CCDC190: variants seen among roughly 807,000 people sequenced by gnomAD.
The protein encoded by CCDC190 is coiled-coil domain-containing protein 190.
In CCDC190, 10 loss-of-function variants were observed where a neutral mutation model predicts 13.1. The observed-to-expected ratio is 0.77, with a 90% CI of 0.47 to 1.30. CCDC190 has a LOEUF of 1.30. Among genes scored for constraint, CCDC190 ranks in the 50% most tolerant of loss-of-function variants. The pLI is 0.00. For synonymous variants in CCDC190, 136 were observed against 127.2 expected (o/e 1.07, Z -0.47); for missense variants, 375 against 354.3 (o/e 1.06, Z -0.47).
upstream of CCDC190, among the ~76,000 whole-genome samples, chr1:162,864,020 A>AAG (rs1650615912): frequency 6.6e-6 from 1 of 151,860 alleles, no homozygotes; most frequent in Non-Finnish European, 1.5e-5. Context: ...ATCTCAAAAA[A>AAG]AAAAATATCA....
Position 162,861,084 on chromosome 1 carries a change from C to T in CCDC190, c.-89G>A. 5.4e-6 allele frequency: 5 copies of T among 918,984 alleles called. No homozygotes were observed. The highest frequency in any genetic ancestry group is 1.0e-4 in the South Asian group (2 of 19,944). 56.9% of individuals were successfully genotyped at this position (918,984 alleles called of 1,614,324 possible). On this transcript the variant is annotated 5_prime_UTR_variant, in exon 1 of 4. Transcript: ENST00000367912. ...GTCAGACTGAGTCTTGATTAATGAG[C>T]TTATTTTTCTTCAGTAAACTTAGGA...
chr1:162,862,217 G>A (rs547082762), upstream of CCDC190, among the ~76,000 whole-genome samples: 266 of 152,266 alleles, frequency 1.7e-3, 1 homozygote, highest in African/African-American at 6.1e-3. Flanking sequence ...TGCCACTATA[G>A]CTGATGATAG....
chr1:162,867,886 T>C (rs1650762202), intron 1 of CCDC190, among the ~76,000 whole-genome samples: 2 of 152,280 alleles, frequency 1.3e-5, no homozygotes, highest in South Asian at 4.1e-4. Flanking sequence ...AATTAATCTA[T>C]GATGACAGAG....
chr1:162,852,274 T>G lies in CCDC190; in HGVS notation c.*2491A>C, dbSNP rs570658437. On this transcript the variant is annotated 3_prime_UTR_variant, in exon 4 of 4. Coordinates refer to ENST00000367912, the MANE Select transcript of CCDC190 (RefSeq NM_001394065.1). ...TCTCTGGACAGTGCTGGATGTTTTCTGGGGACAGGGGGCACATTTGCTCCT... is the reference window on the plus strand; with the variant it reads ...TCTCTGGACAGTGCTGGATGTTTTCGGGGGACAGGGGGCACATTTGCTCCT... The G allele has an allele frequency of 6.6e-6, 1 of 152,276 alleles. No homozygotes were observed. The highest frequency in any genetic ancestry group is 1.5e-5 in the Non-Finnish European group (1 of 68,094). 9.4% of individuals were successfully genotyped at this position (152,276 alleles called of 1,614,324 possible).
upstream of CCDC190, among the ~76,000 whole-genome samples, chr1:162,866,064 A>C (rs921218891): frequency 3.3e-5 from 5 of 152,254 alleles, no homozygotes; most frequent in African/African-American, 9.6e-5. Flanking sequence ...ATATATTAAC[A>C]TAAAAATATT....
intron 2 of CCDC190, among the ~76,000 whole-genome samples, chr1:162,856,158 T>C (rs1650294570): frequency 6.6e-6 from 1 of 152,176 alleles, no homozygotes; most frequent in Non-Finnish European, 1.5e-5. Context: ...GGTTTATAGT[T>C]CTTTGTTATG....
upstream of CCDC190, among the ~76,000 whole-genome samples, chr1:162,864,425 A>T (rs888426203): frequency 1.3e-5 from 2 of 152,332 alleles, no homozygotes; most frequent in Admixed American, 6.5e-5. Context: ...ATCCAAAGCT[A>T]CAAAAAGAAA....
chr1:162,858,198 G>A (rs1650376023), intron 2 of CCDC190, among the ~76,000 whole-genome samples: 1 of 152,204 alleles, frequency 6.6e-6, no homozygotes, highest in East Asian at 1.9e-4. Context: ...CATGGAGGCA[G>A]AAGCACCTGA....
intron 1 of CCDC190, chr1:162,868,604 C>T (rs998370531): frequency 6.6e-6 from 1 of 152,568 alleles, no homozygotes; most frequent in African/African-American, 2.4e-5. Context: ...CTCTCCCAAA[C>T]GCACACCCCC....
chr1:162,868,282 A>G (rs1650776219), intron 1 of CCDC190, among the ~76,000 whole-genome samples: 1 of 152,208 alleles, frequency 6.6e-6, no homozygotes, highest in African/African-American at 2.4e-5. Context: ...TGAAGATTGA[A>G]TGTATAAAAC....
At position 162,853,089 on chromosome 1, in the gene CCDC190, G is replaced by T; in HGVS notation, c.*1676C>A. ...GTTGCTTTGCTTCATGGAAGAAAGTGTTGGAGGAAGCAGATTTCTTGTGTT... is the reference window on the plus strand; with the variant it reads ...GTTGCTTTGCTTCATGGAAGAAAGTTTTGGAGGAAGCAGATTTCTTGTGTT... On this transcript the variant is annotated 3_prime_UTR_variant, in exon 4 of 4. Coordinates refer to ENST00000367912, the MANE Select transcript of CCDC190 (RefSeq NM_001394065.1). 1.4e-5 allele frequency: 21 copies of T among 1,541,476 alleles called. No individual in the cohort carries two copies. The highest frequency in any genetic ancestry group is 1.8e-5 in the Non-Finnish European group (20 of 1,138,648).
At chr1:162,867,576 G>A (rs1650751116) in intron 1 of CCDC190, among the ~76,000 whole-genome samples, 1 of 152,140 alleles carries the variant, frequency 6.6e-6, no homozygotes, top group South Asian at 2.1e-4. Context: ...CACTTCCACT[G>A]CTGGATACTT....
chr1:162,862,439 G>A (rs1650553825), upstream of CCDC190, among the ~76,000 whole-genome samples: 1 of 152,112 alleles, frequency 6.6e-6, no homozygotes, highest in African/African-American at 2.4e-5. Context: ...GGAGCAGAGG[G>A]GTTATATGAG....
rs1650099210 is a variant in CCDC190 at position 162,851,289 on chromosome 1, CATTTTTT to C, written c.*3469_*3475del. On this transcript the variant is annotated 3_prime_UTR_variant, in exon 4 of 4. Transcript: ENST00000367912. ...GGTCCACACACCTCTGGTTCCTCTCCATTTTTTTTTTTTTTTTTTTTTTTTTGCAGTG... is the reference window on the plus strand; with the variant it reads ...GGTCCACACACCTCTGGTTCCTCTCCTTTTTTTTTTTTTTTTTTTGCAGTG... The C allele has an allele frequency of 7.2e-6, 1 of 139,860 alleles. No homozygotes were observed. Among genetic ancestry groups the C allele is most frequent in the African/African-American group, 2.8e-5 (1 of 35,538 alleles). 8.7% of individuals were successfully genotyped at this position (139,860 alleles called of 1,614,324 possible). A position where few individuals can be genotyped will look rare whatever the true frequency, so the allele number is the denominator to read the frequency against.
Position 162,853,214 on chromosome 1 carries a change from T to C in CCDC190, c.*1551A>G, listed in dbSNP as rs777744099. The C allele has an allele frequency of 1.4e-6, 2 of 1,416,958 alleles. No individual in the cohort carries two copies. Among genetic ancestry groups the C allele is most frequent in the South Asian group, 2.7e-5 (2 of 73,766 alleles). 87.8% of individuals were successfully genotyped at this position (1,416,958 alleles called of 1,614,324 possible). On this transcript the variant is annotated 3_prime_UTR_variant, in exon 4 of 4. Coordinates refer to ENST00000367912, the MANE Select transcript of CCDC190 (RefSeq NM_001394065.1). ...ATCTAAGTTTTTGTCTTCAGATAGG[T>C]GGTAGTGTGGTGTAATGAAAGAGCA...
upstream of CCDC190, among the ~76,000 whole-genome samples, chr1:162,865,168 G>A (rs1650653638): frequency 6.6e-6 from 1 of 151,828 alleles, no homozygotes; most frequent in Non-Finnish European, 1.5e-5. Flanking sequence ...GAATAAAGAG[G>A]GTAATTTCTT....
At chr1:162,867,999 C>G (rs1458365289) in intron 1 of CCDC190, among the ~76,000 whole-genome samples, 1 of 152,108 alleles carries the variant, frequency 6.6e-6, no homozygotes, top group African/African-American at 2.4e-5. Context: ...TTACTTGCTG[C>G]ATATATTTGT....
upstream of CCDC190, among the ~76,000 whole-genome samples, chr1:162,861,252 T>C (rs1012050247): frequency 1.3e-5 from 2 of 152,180 alleles, no homozygotes; most frequent in Non-Finnish European, 2.9e-5. Context: ...CACCAATCCC[T>C]GCTGGAGAGG....
At position 162,854,755 on chromosome 1, in the gene CCDC190, T is replaced by C. The variant is rs1447484374; in HGVS notation, c.*10A>G. On this transcript the variant is annotated 3_prime_UTR_variant, in exon 4 of 4. Transcript: ENST00000367912. ...AATGGCATATGTTATTGTCAGGCTATGTTAAACGGTTAGAGAGGAAGAAAC... is the reference window on the plus strand; with the variant it reads ...AATGGCATATGTTATTGTCAGGCTACGTTAAACGGTTAGAGAGGAAGAAAC... 1 of 1,594,604 alleles carries C rather than the reference T, an allele frequency of 6.3e-7. No homozygotes were observed. The highest frequency in any genetic ancestry group is 8.6e-7 in the Non-Finnish European group (1 of 1,169,020).
Sources: gnomAD v4.1 joint callset for allele counts (sites outside exome capture counted in the v4.1 genomes callset) on GRCh38, gnomAD v4.1.1 for gene constraint, MANE v1.5 for transcripts, NCBI Gene and HGNC (gene_info 2026-07-23, HGNC 2026-07-21) for gene names.